Variants in TENM2 observed in about 807,000 individuals in gnomAD.
TENM2 encodes teneurin transmembrane protein 2.
Under a neutral mutation model 245.2 loss-of-function variants are expected in TENM2, and 52 were observed. That is an observed-to-expected ratio of 0.21 (90% CI 0.17 to 0.27). TENM2 has a LOEUF of 0.27. Among genes scored for constraint, TENM2 ranks in the 10% least tolerant of loss-of-function variants. The pLI, the probability that TENM2 is intolerant of heterozygous loss-of-function variation, is 1.00. For missense variants in TENM2, 3,046 were observed against 3,666.8 expected (o/e 0.83, Z 4.37); for synonymous variants, 1,363 against 1,438.9 (o/e 0.95, Z 1.19).
At chr5:167,059,248 T>A in the TENM2 span, among the ~76,000 whole-genome samples, 1 of 152,118 alleles carries the variant, frequency 6.6e-6, no homozygotes, top group Non-Finnish European at 1.5e-5. Context: ...AATTTAGGAG[T>A]ACAAGTAGTC....
chr5:167,831,721 C>T (rs1269460271), intron 2 of TENM2, among the ~76,000 whole-genome samples: 1 of 152,094 alleles, frequency 6.6e-6, no homozygotes, highest in African/African-American at 2.4e-5. Flanking sequence ...CCCAACAGTT[C>T]TTTCAGGTCT....
chr5:168,195,101 G>A, intron 14 of TENM2, 75 bp from the exon 17 acceptor site: 1 of 1,526,512 alleles, frequency 6.6e-7, no homozygotes. Context: ...ATGAGGATGA[G>A]GGAGCAGAGG....
intron 2 of TENM2, among the ~76,000 whole-genome samples, chr5:167,690,079 C>T (rs559933565): frequency 4.3e-4 from 61 of 142,596 alleles, no homozygotes; most frequent in African/African-American, 1.6e-3. Flanking sequence ...ATGGAAGAGG[C>T]GAAATTTAGG....
At chr5:166,992,303 C>T in the TENM2 span, among the ~76,000 whole-genome samples, 2 of 152,068 alleles carry the variant, frequency 1.3e-5, no homozygotes, top group Non-Finnish European at 2.9e-5. Flanking sequence ...GCCTCTTTTC[C>T]GAGGTTTGTT....
chr5:167,807,140 AAAAAAAAAAAAAAAAAG>A (rs1407719805), intron 2 of TENM2, among the ~76,000 whole-genome samples: 6 of 147,100 alleles, frequency 4.1e-5, no homozygotes, highest in South Asian at 2.2e-4. Flanking sequence ...AAAAAAAAAA[AAAAAAAAAAAAAAAAAG>A]AAGAAGAAGA....
chr5:167,338,623 A>G (rs903507687), intron 1 of TENM2, among the ~76,000 whole-genome samples: 1 of 152,232 alleles, frequency 6.6e-6, no homozygotes, highest in African/African-American at 2.4e-5. Context: ...ACAGTCCTAC[A>G]GTGTGTCTTG....
At chr5:167,153,218 T>G in the TENM2 span, among the ~76,000 whole-genome samples, 1 of 151,994 alleles carries the variant, frequency 6.6e-6, no homozygotes, top group African/African-American at 2.4e-5. Flanking sequence ...CCCCCCAAAC[T>G]TAACTACTCA....
chr5:167,101,849 T>TATATA, the TENM2 span, among the ~76,000 whole-genome samples: 253 of 69,408 alleles, frequency 3.6e-3, 8 homozygotes, highest in African/African-American at 0.012. Context: ...ATATATATAT[T>TATATA]TATATATATA....
At chr5:168,000,875 T>G (rs1784371746) in intron 5 of TENM2, among the ~76,000 whole-genome samples, 1 of 152,016 alleles carries the variant, frequency 6.6e-6, no homozygotes, top group Admixed American at 6.6e-5. Context: ...AACATGGTGG[T>G]ACCTGGCACA....
At chr5:167,917,493 A>G (rs1185038349) in intron 3 of TENM2, among the ~76,000 whole-genome samples, 2 of 152,062 alleles carry the variant, frequency 1.3e-5, no homozygotes, top group Non-Finnish European at 2.9e-5. Flanking sequence ...ATTTATTTCC[A>G]CCTATTTGGG....
chr5:167,119,346 C>G, the TENM2 span: 2 of 152,184 alleles, frequency 1.3e-5, 1 homozygote, highest in Non-Finnish European at 2.9e-5. Context: ...TGGGCAGACC[C>G]TCAAAACAGG....
At chr5:167,363,730 C>CAAAAAAAAAAAAAAAAAAAGAAAAAAAAA (rs10659741) in intron 1 of TENM2, among the ~76,000 whole-genome samples, 1 of 89,342 alleles carries the variant, frequency 1.1e-5, no homozygotes, top group Non-Finnish European at 2.1e-5. Context: ...GACTCCATCT[C>CAAAAAAAAAAAAAAAAAAAGAAAAAAAAA]AAAAAAAAAA....
At chr5:167,774,625 T>C (rs1296098795) in intron 2 of TENM2, among the ~76,000 whole-genome samples, 4 of 152,166 alleles carry the variant, frequency 2.6e-5, no homozygotes, top group African/African-American at 9.7e-5. Context: ...CTGGGTTGCC[T>C]AAGATGGTTT....
rs545284533 is a variant in TENM2 at position 167,982,875 on chromosome 5, G to T, written c.948-10069G>T. ...ATAACCTAGAGGGTCCTTCCAGCTT[G>T]AACACTGTCTAACTGTCTGAATGGT... On this transcript the variant is annotated intron_variant, in intron 4 of 28. Transcript: ENST00000518659. Among the ~76,000 whole-genome samples, 7 of 152,284 alleles carry T rather than the reference G, an allele frequency of 4.6e-5. No individual in the cohort carries two copies. The South Asian group carries it at 1.0e-3, about 23-fold the overall frequency.
intron 2 of TENM2, among the ~76,000 whole-genome samples, chr5:167,420,564 C>T (rs943715040): frequency 6.6e-6 from 1 of 152,144 alleles, no homozygotes; most frequent in Admixed American, 6.5e-5. Context: ...GAGTTTTGCA[C>T]TAAGTATTCT....
chr5:167,592,749 T>C (rs1317525754), intron 2 of TENM2, among the ~76,000 whole-genome samples: 1 of 152,180 alleles, frequency 6.6e-6, no homozygotes, highest in Admixed American at 6.5e-5. Flanking sequence ...TAGTTTTAGG[T>C]TTCATTGTAT....
At chr5:168,119,955 T>C (rs1795354874) in intron 10 of TENM2, among the ~76,000 whole-genome samples, 1 of 152,226 alleles carries the variant, frequency 6.6e-6, no homozygotes, top group South Asian at 2.1e-4. Context: ...CAGATGCTAA[T>C]GGATTCATTC....
At chr5:167,883,603 G>T (rs949462550) in intron 3 of TENM2, among the ~76,000 whole-genome samples, 1 of 152,184 alleles carries the variant, frequency 6.6e-6, no homozygotes, top group Admixed American at 6.5e-5. Context: ...AATTCTCAGG[G>T]TCGATAGGCA....
chr5:167,044,035 CAGAA>C, the TENM2 span, among the ~76,000 whole-genome samples: 1 of 73,442 alleles, frequency 1.4e-5, no homozygotes, highest in Non-Finnish European at 3.2e-5. Flanking sequence ...ATAGTAAGGA[CAGAA>C]GGAAGGAAGG....
Sources: allele counts gnomAD v4.1 joint callset (sites outside exome capture counted in the v4.1 genomes callset), GRCh38; gene constraint gnomAD v4.1.1; transcripts MANE v1.5; gene names NCBI Gene and HGNC (gene_info 2026-07-23, HGNC 2026-07-21).